The following ARHGAP33 variants were observed in gnomAD, a reference collection of about 807,000 sequenced individuals.
ARHGAP33 encodes the protein rho GTPase-activating protein 33.
ARHGAP33 carries 57 observed loss-of-function variants against 126.2 expected under a neutral mutation model. That is an observed-to-expected ratio of 0.45 (90% CI 0.36 to 0.56). The LOEUF is 0.56. ARHGAP33 is among the 20% of genes least tolerant of loss of function. The probability of loss-of-function intolerance (pLI) is 0.00; values close to 1 mark genes in which losing one functional copy is unlikely to be tolerated. For missense variants in ARHGAP33, 1,500 were observed against 1,748.3 expected (o/e 0.86, Z 2.53); for synonymous variants, 711 against 755.0 (o/e 0.94, Z 0.95).
chr19:35,775,872 G>A lies in ARHGAP33; in HGVS notation c.6+208G>A, dbSNP rs531475683. Among the ~76,000 whole-genome samples the A allele has an allele frequency of 3.8e-3, 569 of 151,708 alleles. 4 individuals are homozygous for A. The highest frequency in any genetic ancestry group is 0.013 in the African/African-American group (541 of 41,372). On this transcript the variant is annotated intron_variant, in intron 1 of 20. Transcript: ENST00000007510. ...CGCGCATCCCCGTCTTCCACGCCCT[G>A]GATGGGGTGACAGGGACCTAGGGCC...
chr19:35,776,505 A>C (rs1286607142), intron 1 of ARHGAP33, among the ~76,000 whole-genome samples: 1 of 152,130 alleles, frequency 6.6e-6, no homozygotes, highest in Non-Finnish European at 1.5e-5. Flanking sequence ...CCTGAGGGTG[A>C]CTGGGGGTTG....
chr19:35,777,607 C>T, intron 1 of ARHGAP33, 38 bp from the exon 2 acceptor site: 1 of 1,513,714 alleles, frequency 6.6e-7, no homozygotes, highest in Non-Finnish European at 9.0e-7. Context: ...TCTCTTTGCT[C>T]CCATCTCTGG....
At chr19:35,780,670 G>C in intron 9 of ARHGAP33, 22 bp downstream of exon 9, 1 of 1,556,392 alleles carries the variant, frequency 6.4e-7, no homozygotes, top group Non-Finnish European at 8.8e-7. Flanking sequence ...GGATGGATGG[G>C]AGGTGTGGGG....
chr19:35,786,127 C>A lies in ARHGAP33; in HGVS notation c.1943-286C>A, dbSNP rs1972099092. 1 of 1,316,100 alleles carries A rather than the reference C, an allele frequency of 7.6e-7. No homozygotes were observed. Among genetic ancestry groups the A allele is most frequent in the Non-Finnish European group, 9.7e-7 (1 of 1,034,556 alleles). The allele number at this position is 1,316,100 out of a possible 1,614,324, so 81.5% of individuals were successfully genotyped here. A position where few individuals can be genotyped will look rare whatever the true frequency, so the allele number is the denominator to read the frequency against. On this transcript the variant is annotated intron_variant, in intron 19 of 20. Transcript: ENST00000007510. The surrounding 1 kb of genome is among the most constrained non-coding windows in gnomAD (Gnocchi z 7.0). ...GCGCCATCCTCACACTCCTGGGGTA[C>A]TGCCCTCCCACATACCCAGGAGCCC...
In ARHGAP33 at chr19:35,787,096, CCT is replaced by C. The variant is rs536371452; in HGVS notation, c.2602+25_2602+26del. 1.9e-3 allele frequency: 2,966 copies of C among 1,598,132 alleles called. 3 individuals carry two copies. Among genetic ancestry groups the C allele is most frequent in the Admixed American group, 5.1e-3 (288 of 56,748 alleles). On this transcript the variant is annotated intron_variant, in intron 20 of 20. Transcript: ENST00000007510. ...CGGTGAGTCCTCAGCCTACCCCACCCCTGTCCCCGCCAGCTGTCACTGACTCT... is the reference window on the plus strand; with the variant it reads ...CGGTGAGTCCTCAGCCTACCCCACCCGTCCCCGCCAGCTGTCACTGACTCT...
Position 35,785,079 on chromosome 19 carries a change from C to G in ARHGAP33, c.1694C>G (p.Pro565Arg), listed in dbSNP as rs769908702. The G allele has an allele frequency of 1.5e-5, 24 of 1,572,700 alleles. No individual in the cohort carries two copies. In the South Asian group the frequency reaches 2.7e-4, roughly 17 times the overall value. ...GGGACGCCCACGGAGCCCACAACTC[C>G]CAAGGCCCCGGCCTCACCTGCGGAA... is the stretch of plus-strand genomic sequence containing the variant. ...RLGTPTEPTT[P>R]KAPASPAERR... The change falls in exon 17 of 21, where the codon CCC becomes CGC. Residue 565 changes from proline to arginine, a missense_variant. This residue lies in a region of ARHGAP33 where 300 missense variants were observed against 291.1 expected (regional missense o/e 1.03). Coordinates refer to ENST00000007510, the MANE Select transcript of ARHGAP33 (RefSeq NM_001366178.1).
At chr19:35,781,549 G>T (rs966062733) in intron 12 of ARHGAP33, among the ~76,000 whole-genome samples, 4 of 152,224 alleles carry the variant, frequency 2.6e-5, no homozygotes, top group African/African-American at 9.6e-5. Context: ...ACAAACAGGG[G>T]AGGGATAGAG....
At position 35,787,465 on chromosome 19, in the gene ARHGAP33, C is replaced by T. The variant is rs1378903131; in HGVS notation, c.2900C>T (p.Pro967Leu). 20 of 1,612,454 alleles carry T rather than the reference C, an allele frequency of 1.2e-5. No homozygotes were observed. The highest frequency in any genetic ancestry group is 1.6e-5 in the Non-Finnish European group (19 of 1,179,474). Residue 967 changes from proline (P) to leucine (L), a missense_variant, in exon 21 of 21, where the codon CCA becomes CTA. Transcript: ENST00000007510. Reference protein sequence around the residue: ...AHPGAWVPGPPPYLPRQQSDG... With the variant: ...AHPGAWVPGPLPYLPRQQSDG... The stretch of plus-strand genomic sequence containing the variant: ...CCGGGTGCCTGGGTCCCGGGACCCC[C>T]ACCCTACTTACCAAGGCAACAAAGT...
rs1971412077 is a variant in ARHGAP33 at position 35,775,653 on chromosome 19, G to A, written c.-6G>A. ...CGCGGCCGGGGCCTGAGGAGGCTAC[G>A]CGACCATGGTGGTAAGGGTCCCACG... On this transcript the variant is annotated 5_prime_UTR_variant, in exon 1 of 21. Transcript: ENST00000007510. The A allele has an allele frequency of 3.9e-6, 6 of 1,548,782 alleles. No homozygotes were observed. The East Asian group carries it at 1.6e-4, about 41-fold the overall frequency.
chr19:35,783,263 G>A lies in ARHGAP33; in HGVS notation c.1421+394G>A, dbSNP rs572017836. Among the ~76,000 whole-genome samples, 5 of 152,294 alleles carry A rather than the reference G, an allele frequency of 3.3e-5. No homozygotes were observed. The South Asian group carries it at 6.2e-4, about 19-fold the overall frequency. On this transcript the variant is annotated intron_variant, in intron 15 of 20. Coordinates refer to ENST00000007510, the MANE Select transcript of ARHGAP33 (RefSeq NM_001366178.1). ...AAGCCTGGAGGATTTGATGGTGAAC[G>A]AGACAGGCATGATCTCTCCCCTGCC...
chr19:35,776,609 G>A (rs1214006365), intron 1 of ARHGAP33, among the ~76,000 whole-genome samples: 2 of 152,232 alleles, frequency 1.3e-5, no homozygotes, highest in Non-Finnish European at 1.5e-5. Context: ...CCTGCTGCGC[G>A]CGACTGGGCT....
rs1599796676 is a variant in ARHGAP33, at chr19:35,785,280, C to G, written c.1813C>G (p.Arg605Gly). The G allele has an allele frequency of 1.3e-6, 2 of 1,599,084 alleles. No homozygotes were observed. Among genetic ancestry groups the G allele is most frequent in the Non-Finnish European group, 1.7e-6 (2 of 1,172,716 alleles). ...ACTGGGCCGGGGCCCCAGTGTCCCTCGAAAGAAGCCCCTGCCCTGGCTGGG... is the reference window on the plus strand; with the variant it reads ...ACTGGGCCGGGGCCCCAGTGTCCCTGGAAAGAAGCCCCTGCCCTGGCTGGG... The part of the protein sequence containing the change: ...FALGRGPSVP[R>G]KKPLPWLGGT... Residue 605 changes from arginine (R) to glycine (G), a missense_variant, in exon 18 of 21, where the codon CGA becomes GGA. This residue lies in a region of ARHGAP33 where 300 missense variants were observed against 291.1 expected (regional missense o/e 1.03). Transcript: ENST00000007510.
Position 35,778,468 on chromosome 19 carries a change from G to A in ARHGAP33, c.275G>A (p.Arg92His), listed in dbSNP as rs754633637. Reference protein sequence around the residue: ...VFGVQVTCQGRSWPVLRSYDD... With the variant: ...VFGVQVTCQGHSWPVLRSYDD... ...TCTGTCCCTCTGCTCCCACAGGGCCGTTCCTGGCCGGTTCTCCGGAGTTAC... is the reference window on the plus strand; with the variant it reads ...TCTGTCCCTCTGCTCCCACAGGGCCATTCCTGGCCGGTTCTCCGGAGTTAC... Residue 92 changes from arginine (R) to histidine (H), a missense_variant, in exon 5 of 21, where the codon CGT becomes CAT. By Grantham distance (29) the Arg-to-His change is conservative. Transcript: ENST00000007510. 3.4e-5 allele frequency: 55 copies of A among 1,614,072 alleles called. 1 individual carries two copies. Among genetic ancestry groups the A allele is most frequent in the South Asian group, 1.8e-4 (16 of 91,088 alleles).
Position 35,787,981 on chromosome 19 carries a change from C to T in ARHGAP33, c.3416C>T (p.Pro1139Leu), listed in dbSNP as rs774146636. 3.0e-5 allele frequency: 47 copies of T among 1,552,850 alleles called. No individual in the cohort carries two copies. The highest frequency in any genetic ancestry group is 2.2e-4 in the Admixed American group (13 of 57,876). ...TCCCCCGACTTCCTGCTCAGCTACC[C>T]GCCAGCCCCCTCCTGCTTTCCCCCT... Reference protein sequence around the residue: ...HRSPDFLLSYPPAPSCFPPDH... With the variant: ...HRSPDFLLSYLPAPSCFPPDH... The change falls in exon 21 of 21, where the codon CCG becomes CTG. Residue 1139 changes from proline (P) to leucine (L), a missense_variant. Coordinates refer to ENST00000007510, the MANE Select transcript of ARHGAP33 (RefSeq NM_001366178.1).
rs780457520 is a variant in ARHGAP33, at chr19:35,778,574, G to A, written c.381G>A (p.Pro127=). ...TCTCCTGCCTTCCGGAGCTTCCCCCGCCCCCCGAGGGTGCCAGGGCTGCCC... is the reference window on the plus strand; with the variant it reads ...TCTCCTGCCTTCCGGAGCTTCCCCCACCCCCCGAGGGTGCCAGGGCTGCCC... ...RRFSCLPELP[P]PPEGARAAQM... The change falls in exon 5 of 21, where the codon CCG becomes CCA. Residue 127 remains proline, a synonymous_variant. Transcript: ENST00000007510. The A allele has an allele frequency of 1.3e-5, 21 of 1,613,726 alleles. No homozygotes were observed. The highest frequency in any genetic ancestry group is 4.4e-5 in the South Asian group (4 of 91,058).
At position 35,788,137 on chromosome 19, in the gene ARHGAP33, C is replaced by T. The variant is rs749494760; in HGVS notation, c.3572C>T (p.Ala1191Val). The change falls in exon 21 of 21, where the codon GCC (alanine) becomes GTC (valine). Residue 1191 changes from alanine to valine, a missense_variant. This residue lies in a region of ARHGAP33 where 642 missense variants were observed against 634.0 expected (regional missense o/e 1.01). Transcript: ENST00000007510. ...PASSSSSSPP[A>V]HPRSRSDPGP... The stretch of plus-strand genomic sequence containing the variant: ...TCTTCCTCCTCCTCTTCCCCTCCTG[C>T]CCACCCCCGAAGCCGTTCAGATCCC... 2.5e-6 allele frequency: 4 copies of T among 1,608,062 alleles called. No individual in the cohort carries two copies. In the African/African-American group the frequency reaches 4.0e-5, roughly 16 times the overall value.
chr19:35,783,575 G>GT (rs1971919821), intron 15 of ARHGAP33, among the ~76,000 whole-genome samples: 1 of 152,196 alleles, frequency 6.6e-6, no homozygotes, highest in African/African-American at 2.4e-5. Context: ...TGCCTGGTGT[G>GT]TTGGAGGAGC....
rs556912669 is a variant in ARHGAP33 at position 35,778,561 on chromosome 19, C to T, written c.368C>T (p.Pro123Leu). 4.3e-6 allele frequency: 7 copies of T among 1,614,140 alleles called. No individual in the cohort carries two copies. The highest frequency in any genetic ancestry group is 3.3e-5 in the South Asian group (3 of 91,080). Residue 123 changes from proline (P) to leucine (L), a missense_variant, in exon 5 of 21, where the codon CCG (proline) becomes CTG (leucine). Physicochemically the swap from Pro to Leu is moderately conservative, Grantham distance 98. Transcript: ENST00000007510. The part of the protein sequence containing the change: ...CIFDRRFSCL[P>L]ELPPPPEGAR... ...TTTGACCGGAGGTTCTCCTGCCTTCCGGAGCTTCCCCCGCCCCCCGAGGGT... is the reference window on the plus strand; with the variant it reads ...TTTGACCGGAGGTTCTCCTGCCTTCTGGAGCTTCCCCCGCCCCCCGAGGGT...
chr19:35,787,721 G>A lies in ARHGAP33; in HGVS notation c.3156G>A (p.Leu1052=), dbSNP rs140219685. ...PPFLGVPKPG[L]YPLGPPSFQP... is the part of the protein sequence containing the mutation. ...TCCTCGGGGTCCCCAAGCCAGGCTTGTACCCCCTGGGCCCCCCATCCTTCC... is the reference window on the plus strand; with the variant it reads ...TCCTCGGGGTCCCCAAGCCAGGCTTATACCCCCTGGGCCCCCCATCCTTCC... Residue 1052 remains leucine (L), a synonymous_variant, in exon 21 of 21, where the codon TTG becomes TTA. Coordinates refer to ENST00000007510, the MANE Select transcript of ARHGAP33 (RefSeq NM_001366178.1). 3.1e-3 allele frequency: 4,884 copies of A among 1,588,630 alleles called. 22 individuals are homozygous for A. Among genetic ancestry groups the A allele is most frequent in the Middle Eastern group, 5.8e-3 (34 of 5,912 alleles).
Sources: gnomAD v4.1 joint callset for allele counts (sites outside exome capture counted in the v4.1 genomes callset) on GRCh38, gnomAD v4.1.1 for gene constraint, gnomAD v4.1.1 regional missense constraint, Gnocchi (gnomAD v3.1) non-coding constraint, MANE v1.5 for transcripts, NCBI Gene and HGNC (gene_info 2026-07-23, HGNC 2026-07-21) for gene names.